Variants in VRK2 observed in about 807,000 individuals in gnomAD.
VRK2 encodes the protein VRK serine/threonine kinase 2, also known as serine/threonine-protein kinase VRK2.
Under a neutral mutation model 57.6 loss-of-function variants are expected in VRK2, and 60 were observed. That is an observed-to-expected ratio of 1.04 (90% confidence interval 0.85 to 1.29). VRK2 has a LOEUF of 1.29. VRK2 is among the 50% of genes most tolerant of loss of function. VRK2 has a pLI of 0.00. For missense variants in VRK2, 705 were observed against 588.1 expected (o/e 1.20, Z -2.06); for synonymous variants, 231 against 199.2 (o/e 1.16, Z -1.35).
chr2:58,159,279 C>A, intron 12 of VRK2, 70 bp from the exon 13 acceptor site: 1 of 1,209,426 alleles, frequency 8.3e-7, no homozygotes, highest in Non-Finnish European at 1.2e-6. Flanking sequence ...CATTCTTACA[C>A]ACTACACAAA....
At chr2:58,125,090 C>A (rs1193614631) in intron 8 of VRK2, among the ~76,000 whole-genome samples, 2 of 152,084 alleles carry the variant, frequency 1.3e-5, no homozygotes, top group African/African-American at 2.4e-5. Context: ...ACTGGAAATT[C>A]ATCATACAGG....
rs375670428 is a variant in VRK2, at chr2:58,133,835, A to G, written c.798-1306A>G. Among the ~76,000 whole-genome samples, 49 of 152,308 alleles carry G rather than the reference A, an allele frequency of 3.2e-4. No individual in the cohort carries two copies. In the South Asian group the frequency reaches 9.5e-3, roughly 30 times the overall value. On this transcript the variant is annotated intron_variant, in intron 9 of 12. Transcript: ENST00000340157. ...TTGCCCAGTGGAGAACAATGCACAT[A>G]TATACTTAGATACAATGTTTGCGTG...
At chr2:58,152,374 C>A (rs1251035900) in intron 12 of VRK2, among the ~76,000 whole-genome samples, 1 of 151,824 alleles carries the variant, frequency 6.6e-6, no homozygotes, top group African/African-American at 2.4e-5. Context: ...ATATATACTT[C>A]CCTTTATCCC....
At chr2:57,954,864 G>A (rs1671534901) in intron 1 of VRK2, among the ~76,000 whole-genome samples, 1 of 152,062 alleles carries the variant, frequency 6.6e-6, no homozygotes, top group Non-Finnish European at 1.5e-5. Flanking sequence ...ACAAAAGTCA[G>A]CAACATAGAA....
At chr2:58,113,665 C>A (rs1458187697) in intron 7 of VRK2, among the ~76,000 whole-genome samples, 1 of 151,922 alleles carries the variant, frequency 6.6e-6, no homozygotes, top group Non-Finnish European at 1.5e-5. Context: ...AGCTTCTGAG[C>A]CAGGAGAAGG....
intron 1 of VRK2, among the ~76,000 whole-genome samples, chr2:57,974,511 AC>A (rs1211765210): frequency 6.6e-6 from 1 of 152,018 alleles, no homozygotes; most frequent in Non-Finnish European, 1.5e-5. Flanking sequence ...AGAACAAAAA[AC>A]TAAATATAAA....
chr2:58,024,911 C>T (rs929280232), intron 1 of VRK2, among the ~76,000 whole-genome samples: 2 of 152,130 alleles, frequency 1.3e-5, no homozygotes, highest in African/African-American at 4.8e-5. Context: ...AAGGAAAAAA[C>T]CTTTACCAGA....
At chr2:58,093,993 C>T (rs530493403) in intron 7 of VRK2, among the ~76,000 whole-genome samples, 1,590 of 152,248 alleles carry the variant, frequency 0.01, 41 homozygotes, top group African/African-American at 0.037. Context: ...GATATTATTT[C>T]TGAGGGCTCT....
In VRK2 at chr2:58,086,398, T is replaced by A; in HGVS notation, c.316T>A (p.Ser106Thr). 2.5e-6 allele frequency: 4 copies of A among 1,603,650 alleles called. No individual in the cohort carries two copies. The highest frequency in any genetic ancestry group is 3.4e-6 in the Non-Finnish European group (4 of 1,176,856). ...TTTAGGAATTCCTCTGTTTTATGGA[T>A]CTGGTCTGACTGAATTCAAGGGAAG... ...DYLGIPLFYG[S>T]GLTEFKGRSY... Residue 106 changes from serine (S) to threonine (T), a missense_variant, in exon 5 of 13, where the codon TCT becomes ACT. Ser to Thr is a moderately conservative substitution (Grantham distance 58). Transcript: ENST00000340157.
intron 1 of VRK2, among the ~76,000 whole-genome samples, chr2:57,987,031 C>CT (rs1231817557): frequency 1.3e-5 from 2 of 152,044 alleles, no homozygotes; most frequent in African/African-American, 4.8e-5. Context: ...CCTTTCCTAC[C>CT]TCACACCATA....
chr2:57,940,927 T>C lies in VRK2; in HGVS notation c.-439+33088T>C, dbSNP rs767911201. On this transcript the variant is annotated intron_variant, in intron 1 of 15. Coordinates refer to the VRK2 transcript ENST00000417641. ...CAAATAAAAATTACCACTATGAAAGTCATCAATAACATTTTACACAATGTA... is the reference window on the plus strand; with the variant it reads ...CAAATAAAAATTACCACTATGAAAGCCATCAATAACATTTTACACAATGTA... Among the ~76,000 whole-genome samples the C allele has an allele frequency of 4.6e-4, 69 of 150,918 alleles. 2 individuals carry two copies. Among genetic ancestry groups the C allele is most frequent in the Middle Eastern group, 7.0e-3 (2 of 284 alleles).
At chr2:58,118,823 G>A (rs1213252402) in intron 7 of VRK2, among the ~76,000 whole-genome samples, 2 of 152,214 alleles carry the variant, frequency 1.3e-5, no homozygotes, top group East Asian at 3.9e-4. Context: ...TAGGGGTGGG[G>A]CCGTTTTATA....
chr2:57,974,343 T>A lies in VRK2; in HGVS notation c.-438-51322T>A, dbSNP rs574865084. Among the ~76,000 whole-genome samples, 465 of 151,830 alleles carry A rather than the reference T, an allele frequency of 3.1e-3. 1 individual carries two copies. Among genetic ancestry groups the A allele is most frequent in the Non-Finnish European group, 3.8e-3 (255 of 67,856 alleles). Reference sequence around the variant, plus strand: ...AATTGATCACAAAAGTCCAACAGATTAAAATATTGGTAATTCTAAAACAAA... The same window carrying A: ...AATTGATCACAAAAGTCCAACAGATAAAAATATTGGTAATTCTAAAACAAA... On this transcript the variant is annotated intron_variant, in intron 1 of 15. Transcript: ENST00000417641.
chr2:58,146,767 ATG>A (rs34235047), intron 12 of VRK2, among the ~76,000 whole-genome samples: 11,535 of 152,000 alleles, frequency 0.076, 560 homozygotes, highest in East Asian at 0.17. Flanking sequence ...TAGGGACTCA[ATG>A]TATTCTATAC....
At chr2:57,922,516 C>T (rs1180779914) in intron 1 of VRK2, among the ~76,000 whole-genome samples, 2 of 150,066 alleles carry the variant, frequency 1.3e-5, no homozygotes, top group Non-Finnish European at 3.0e-5. Context: ...CAATTGTAAG[C>T]TAAGAGAGTA....
intron 8 of VRK2, among the ~76,000 whole-genome samples, chr2:58,126,549 G>A (rs1678378637): frequency 1.3e-5 from 2 of 151,712 alleles, no homozygotes; most frequent in East Asian, 1.9e-4. Context: ...CGTGATGGAT[G>A]GACAGATGGA....
chr2:58,024,448 A>G (rs1432347907), intron 1 of VRK2, among the ~76,000 whole-genome samples: 1 of 152,220 alleles, frequency 6.6e-6, no homozygotes, highest in East Asian at 1.9e-4. Flanking sequence ...TTAAGTGAGT[A>G]AAACCTCAAT....
intron 1 of VRK2, among the ~76,000 whole-genome samples, chr2:57,956,012 A>G (rs950806314): frequency 6.6e-6 from 1 of 152,138 alleles, no homozygotes; most frequent in African/African-American, 2.4e-5. Flanking sequence ...AAAGTGTCCT[A>G]TTTTCACTGT....
At chr2:57,933,402 T>G (rs1670803275) in intron 1 of VRK2, among the ~76,000 whole-genome samples, 1 of 136,232 alleles carries the variant, frequency 7.3e-6, no homozygotes, top group South Asian at 2.6e-4. Context: ...AACCTCTGCC[T>G]CCCAGGTTCA....
Sources: allele counts gnomAD v4.1 joint callset (sites outside exome capture counted in the v4.1 genomes callset), GRCh38; gene constraint gnomAD v4.1.1; transcripts MANE v1.5; gene names NCBI Gene and HGNC (gene_info 2026-07-23, HGNC 2026-07-21).